The following THADA variants were observed in gnomAD, a reference collection of about 807,000 sequenced individuals.
THADA encodes tRNA (32-2'-O)-methyltransferase regulator THADA.
A neutral mutation model predicts 219.8 loss-of-function variants in THADA; 213 were observed. The observed-to-expected ratio is 0.97, with a 90% CI of 0.87 to 1.09. The LOEUF (loss-of-function observed/expected upper bound fraction) is 1.09, where lower values mean the gene tolerates loss of function less well. THADA is among the 50% of genes least tolerant of loss of function. The probability of loss-of-function intolerance (pLI) is 0.00; values close to 1 mark genes in which losing one functional copy is unlikely to be tolerated. For missense variants in THADA, 2,956 were observed against 2,311.3 expected (o/e 1.28, Z -5.72); for synonymous variants, 1,018 against 828.9 (o/e 1.23, Z -3.92).
At chr2:43,545,743 G>A (rs12712888) in intron 20 of THADA, among the ~76,000 whole-genome samples, 48,496 of 149,748 alleles carry the variant, frequency 0.32, 8,027 homozygotes, top group South Asian at 0.4. Context: ...TTTTTATTGC[G>A]TCTATTTGAT....
intron 29 of THADA, among the ~76,000 whole-genome samples, chr2:43,388,546 C>T (rs1343952546): frequency 6.6e-6 from 1 of 152,156 alleles, no homozygotes; most frequent in Non-Finnish European, 1.5e-5. Flanking sequence ...CAGTGTGAGA[C>T]ACTGATTCCT....
rs772902803 is a variant in THADA at position 43,577,120 on chromosome 2, C to A, written c.939G>T (p.Gly313=). The change falls in exon 10 of 38, where the codon GGG becomes GGT. Residue 313 remains glycine (G), a synonymous_variant. Coordinates refer to ENST00000405975, the MANE Select transcript of THADA (RefSeq NM_022065.5). ...TCTGCCAGTCCAACATGGCAAGTGT[C>A]CCCTGACAGAGGAATAAGACAGCTG... ...SQSAVLFLCQ[G]TLAMLDWQNG... 3.1e-6 allele frequency: 5 copies of A among 1,613,002 alleles called. No individual in the cohort carries two copies. Among genetic ancestry groups the A allele is most frequent in the Non-Finnish European group, 4.2e-6 (5 of 1,179,562 alleles).
At chr2:43,432,953 G>A (rs1679562910) in intron 26 of THADA, among the ~76,000 whole-genome samples, 1 of 152,062 alleles carries the variant, frequency 6.6e-6, no homozygotes, top group Admixed American at 6.6e-5. Flanking sequence ...TTTTGATGAG[G>A]AGAATTTTAA....
intron 26 of THADA, among the ~76,000 whole-genome samples, chr2:43,446,530 G>A (rs1464677142): frequency 6.6e-6 from 1 of 152,144 alleles, no homozygotes; most frequent in African/African-American, 2.4e-5. Context: ...AAGCCATGTT[G>A]GTTCTATCAG....
At chr2:43,555,374 A>G (rs1437913583) in intron 17 of THADA, among the ~76,000 whole-genome samples, 1 of 150,738 alleles carries the variant, frequency 6.6e-6, no homozygotes, top group Non-Finnish European at 1.5e-5. Flanking sequence ...AACTTTTTAC[A>G]TATTATTTAT....
At chr2:43,309,233 T>A (rs1366211947) in intron 31 of THADA, among the ~76,000 whole-genome samples, 1 of 152,246 alleles carries the variant, frequency 6.6e-6, no homozygotes, top group Admixed American at 6.5e-5. Flanking sequence ...TTATCAGCCA[T>A]GCTTCTCATG....
chr2:43,581,948 T>A lies in THADA; in HGVS notation c.534-20A>T. 3 of 1,495,910 alleles carry A rather than the reference T, an allele frequency of 2.0e-6. No individual in the cohort carries two copies. Among genetic ancestry groups the A allele is most frequent in the Non-Finnish European group, 2.7e-6 (3 of 1,125,794 alleles). The allele number at this position is 1,495,910 out of a possible 1,614,324, so 92.7% of individuals were successfully genotyped here. A position where few individuals can be genotyped will look rare whatever the true frequency, so the allele number is the denominator to read the frequency against. On this transcript the variant is annotated intron_variant, in intron 7 of 37. Coordinates refer to ENST00000405975, the MANE Select transcript of THADA (RefSeq NM_022065.5). ...CATTTTCTATAAAGAAGAAAAGACA[T>A]TATTACAAAAGGAAATTCAAACAAA...
chr2:43,493,042 C>G (rs962743422), intron 25 of THADA, among the ~76,000 whole-genome samples: 4 of 152,196 alleles, frequency 2.6e-5, no homozygotes, highest in African/African-American at 9.6e-5. Flanking sequence ...TCATAATTAT[C>G]AGAGGGCCTG....
At chr2:43,365,418 A>C (rs989590717) in intron 29 of THADA, among the ~76,000 whole-genome samples, 2 of 151,964 alleles carry the variant, frequency 1.3e-5, no homozygotes, top group Non-Finnish European at 2.9e-5. Flanking sequence ...TAAAAATACA[A>C]AAATTAGCTG....
At chr2:43,586,491 G>A in intron 6 of THADA, 42 bp from the exon 7 acceptor site, 1 of 1,474,998 alleles carries the variant, frequency 6.8e-7, no homozygotes, top group Non-Finnish European at 9.1e-7. Flanking sequence ...TTAAAACTGT[G>A]AAGCTCAATT....
intron 36 of THADA, among the ~76,000 whole-genome samples, chr2:43,266,358 G>A (rs1020902705): frequency 9.8e-5 from 15 of 152,346 alleles, no homozygotes; most frequent in African/African-American, 3.6e-4. Context: ...TTGGGAGGCC[G>A]AGGCGGGCGG....
intron 29 of THADA, among the ~76,000 whole-genome samples, chr2:43,374,000 T>C (rs1248834588): frequency 1.8e-4 from 27 of 152,248 alleles, no homozygotes; most frequent in East Asian, 5.8e-4. Context: ...CCCAAATTGC[T>C]TGACAGATGC....
intron 31 of THADA, among the ~76,000 whole-genome samples, chr2:43,319,244 C>T (rs1198041815): frequency 6.6e-6 from 1 of 152,098 alleles, no homozygotes; most frequent in Non-Finnish European, 1.5e-5. Flanking sequence ...GCCACGGTGA[C>T]CAGTAATTTA....
intron 26 of THADA, among the ~76,000 whole-genome samples, chr2:43,439,618 A>G (rs2104854736): frequency 6.6e-6 from 1 of 152,312 alleles, no homozygotes; most frequent in East Asian, 1.9e-4. Flanking sequence ...GCATATTGTT[A>G]TAGTTGTTCT....
At position 43,467,232 on chromosome 2, in the gene THADA, A is replaced by G. The variant is rs574479893; in HGVS notation, c.3836+18002T>C. On this transcript the variant is annotated intron_variant, in intron 26 of 37. Transcript: ENST00000405975. ...CACCACGGGGATGCTGCTTGGCAGA[A>G]CTTTGTTACTTTAAGAAATACTGTA... Among the ~76,000 whole-genome samples, 5 of 151,850 alleles carry G rather than the reference A, an allele frequency of 3.3e-5. No homozygotes were observed. The East Asian group carries it at 9.6e-4, about 29-fold the overall frequency.
At chr2:43,264,013 G>T (rs992451210) in intron 36 of THADA, among the ~76,000 whole-genome samples, 3 of 152,028 alleles carry the variant, frequency 2.0e-5, no homozygotes, top group African/African-American at 7.3e-5. Context: ...AGTTCCCTGA[G>T]ACTGAAATTA....
At position 43,560,295 on chromosome 2, in the gene THADA, T is replaced by A. The variant is rs772657204; in HGVS notation, c.2402A>T (p.Asp801Val). ...LMECFTSTFE[D>V]VKILAFDLLM... ...AAGATCAAATGCTAAAATTTTCACG[T>A]CTTCAAAAGTGCTGGTAAAACATTC... The change falls in exon 16 of 38, where the codon GAC becomes GTC. Residue 801 changes from aspartate (D) to valine (V), a missense_variant. Transcript: ENST00000405975. 6.2e-7 allele frequency: 1 copy of A among 1,612,596 alleles called. No homozygotes were observed. Among genetic ancestry groups the A allele is most frequent in the South Asian group, 1.1e-5 (1 of 90,752 alleles).
chr2:43,575,664 G>A (rs1699776690), intron 10 of THADA, among the ~76,000 whole-genome samples: 2 of 152,248 alleles, frequency 1.3e-5, no homozygotes, highest in South Asian at 4.1e-4. Context: ...AGCCGCCTCA[G>A]TAGCTGGGAT....
At chr2:43,402,626 G>A (rs928782602) in intron 28 of THADA, among the ~76,000 whole-genome samples, 1 of 152,148 alleles carries the variant, frequency 6.6e-6, no homozygotes, top group African/African-American at 2.4e-5. Context: ...CATCCGTAGG[G>A]ACATCTACTG....
Sources: gnomAD v4.1 joint callset for allele counts (sites outside exome capture counted in the v4.1 genomes callset) on GRCh38, gnomAD v4.1.1 for gene constraint, MANE v1.5 for transcripts, NCBI Gene and HGNC (gene_info 2026-07-23, HGNC 2026-07-21) for gene names.